The following NTM variants were observed in gnomAD, a reference collection of about 807,000 sequenced individuals.
NTM encodes the protein neurotrimin.
NTM carries 13 observed loss-of-function variants against 42.1 expected under a neutral mutation model. The observed-to-expected ratio is 0.31, with a 90% CI of 0.20 to 0.49. NTM has a LOEUF of 0.49. NTM is among the 20% of genes least tolerant of loss of function. NTM has a pLI of 0.99. For synonymous variants in NTM, 187 were observed against 179.2 expected (o/e 1.04, Z -0.35); for missense variants, 373 against 452.8 (o/e 0.82, Z 1.60).
rs1364118706 is a variant in NTM, at chr11:131,982,997, G to A, written c.167+71349G>A. ...TTCATTAGCTTGCAGGGCATGCCCA[G>A]ATTCAGTTTCTTCACACACTACTGG... is the stretch of plus-strand genomic sequence containing the variant. On this transcript the variant is annotated intron_variant, in intron 2 of 8. Transcript: ENST00000683400. Among the ~76,000 whole-genome samples, 6 of 151,962 alleles carry A rather than the reference G, an allele frequency of 3.9e-5. No homozygotes were observed. In the East Asian group the frequency reaches 1.2e-3, roughly 29 times the overall value.
At position 132,071,113 on chromosome 11, in the gene NTM, G is replaced by A. The variant is rs536680400; in HGVS notation, c.168-75169G>A. ...CAGCCAGGTTAGCACGTCACACTGA[G>A]AATCACAGGTTAGTTAACACGTCAC... On this transcript the variant is annotated intron_variant, in intron 2 of 8. Coordinates refer to ENST00000683400, the MANE Select transcript of NTM (RefSeq NM_001352005.2). 1.7e-5 allele frequency among the ~76,000 whole-genome samples: 2 copies of A among 117,514 alleles called. 1 individual carries two copies. Among genetic ancestry groups the A allele is most frequent in the South Asian group, 6.3e-4 (2 of 3,198 alleles). 77.1% of individuals were successfully genotyped at this position (117,514 alleles called of 152,430 possible). A position where few individuals can be genotyped will look rare whatever the true frequency, so the allele number is the denominator to read the frequency against.
chr11:131,470,892 C>G (rs1038053417), intron 1 of NTM, among the ~76,000 whole-genome samples: 3 of 152,186 alleles, frequency 2.0e-5, no homozygotes, highest in Admixed American at 2.0e-4. Flanking sequence ...CATTTCCACG[C>G]TCCAAGCCTT....
intron 1 of NTM, among the ~76,000 whole-genome samples, chr11:131,615,790 C>T (rs1478539607): frequency 6.6e-6 from 1 of 152,174 alleles, no homozygotes; most frequent in East Asian, 1.9e-4. Context: ...TTTGTGAACC[C>T]TCTGGCCCCT....
At chr11:131,700,938 TG>T (rs1348051770) in intron 1 of NTM, among the ~76,000 whole-genome samples, 1 of 152,246 alleles carries the variant, frequency 6.6e-6, no homozygotes, top group Non-Finnish European at 1.5e-5. Flanking sequence ...ATGTGAATCC[TG>T]GTTCTGCCAT....
At chr11:131,373,616 A>G (rs905850737) in intron 1 of NTM, among the ~76,000 whole-genome samples, 5 of 152,076 alleles carry the variant, frequency 3.3e-5, no homozygotes, top group African/African-American at 1.2e-4. Context: ...CAGACGCTAC[A>G]GAACTGGATC....
chr11:131,676,405 T>C (rs2071393993), intron 1 of NTM, among the ~76,000 whole-genome samples: 2 of 152,126 alleles, frequency 1.3e-5, no homozygotes, highest in Non-Finnish European at 1.5e-5. Context: ...AGGGCTGCGT[T>C]GGAGTTTTTC....
intron 1 of NTM, among the ~76,000 whole-genome samples, chr11:131,799,265 C>T (rs1053069808): frequency 1.3e-5 from 2 of 152,132 alleles, no homozygotes; most frequent in African/African-American, 4.8e-5. Context: ...GTACTTGAAA[C>T]TATCGCATAC....
chr11:132,319,808 G>C (rs1006660837), intron 7 of NTM, among the ~76,000 whole-genome samples: 5 of 152,242 alleles, frequency 3.3e-5, no homozygotes, highest in Non-Finnish European at 7.3e-5. Context: ...CTGAGAACAG[G>C]CAGACTGCCT....
chr11:131,783,113 T>C (rs996300855), intron 1 of NTM, among the ~76,000 whole-genome samples: 2 of 152,138 alleles, frequency 1.3e-5, no homozygotes, highest in Admixed American at 6.5e-5. Flanking sequence ...CAAATATTAA[T>C]AGGTGAATTT....
intron 2 of NTM, among the ~76,000 whole-genome samples, chr11:131,967,824 G>T (rs900364742): frequency 2.6e-5 from 4 of 152,132 alleles, no homozygotes; most frequent in Admixed American, 6.5e-5. Context: ...TAGAAATCTG[G>T]TTTCTATCTG....
intron 2 of NTM, among the ~76,000 whole-genome samples, chr11:132,015,965 G>A (rs2073326457): frequency 6.6e-6 from 1 of 152,040 alleles, no homozygotes. Context: ...TTGAATAGGA[G>A]TAGTGAAAGT....
At chr11:131,488,385 G>A (rs1954415651) in intron 1 of NTM, among the ~76,000 whole-genome samples, 1 of 152,106 alleles carries the variant, frequency 6.6e-6, no homozygotes, top group Non-Finnish European at 1.5e-5. Flanking sequence ...CCTGATCTCT[G>A]CACATGATCT....
rs1308435179 is a variant in NTM at position 131,419,942 on chromosome 11, A to T, written c.82+49054A>T. ...CTGTGCCCACGAATGCTGTTGGAGG[A>T]TTCTGCTAGGCAGCCATCATCAACC... On this transcript the variant is annotated intron_variant, in intron 1 of 8. Transcript: ENST00000683400. Among the ~76,000 whole-genome samples the T allele has an allele frequency of 3.3e-5, 5 of 152,114 alleles. No individual in the cohort carries two copies. The South Asian group carries it at 8.3e-4, about 25-fold the overall frequency.
intron 1 of NTM, among the ~76,000 whole-genome samples, chr11:131,642,067 CTT>C (rs1051230036): frequency 6.6e-6 from 1 of 152,160 alleles, no homozygotes; most frequent in African/African-American, 2.4e-5. Context: ...TAAAATGACT[CTT>C]TAGTGAAGAG....
chr11:131,684,357 C>T (rs1321537446), intron 1 of NTM, among the ~76,000 whole-genome samples: 1 of 152,204 alleles, frequency 6.6e-6, no homozygotes, highest in African/African-American at 2.4e-5. Flanking sequence ...CACACCCCCT[C>T]CCCACCTGGA....
At chr11:131,632,963 G>A (rs1224068263) in intron 1 of NTM, among the ~76,000 whole-genome samples, 4 of 152,030 alleles carry the variant, frequency 2.6e-5, no homozygotes, top group South Asian at 2.1e-4. Context: ...GTGAGCCACC[G>A]CGCCACTCGG....
At chr11:132,314,360 C>T (rs1274219041) in intron 6 of NTM, 192 bp from the exon 7 acceptor site, 4 of 222,744 alleles carry the variant, frequency 1.8e-5, no homozygotes, top group Non-Finnish European at 3.0e-5. Context: ...GTGTGAAAAT[C>T]AAGAAACAAC....
At chr11:131,446,588 C>T (rs1348125566) in intron 1 of NTM, among the ~76,000 whole-genome samples, 1 of 152,200 alleles carries the variant, frequency 6.6e-6, no homozygotes, top group African/African-American at 2.4e-5. Flanking sequence ...CTTCCTCTGC[C>T]TCCCCTTTGA....
rs182477327 is a variant in NTM at position 131,582,582 on chromosome 11, C to T, written c.82+211694C>T. On this transcript the variant is annotated intron_variant, in intron 1 of 8. Coordinates refer to ENST00000683400, the MANE Select transcript of NTM (RefSeq NM_001352005.2). Reference sequence around the variant, plus strand: ...ATTTTTTTTAACTCTAGATGAGTCTCCATGTTCTTGCTTAAAAAAAAAAAA... The same window carrying T: ...ATTTTTTTTAACTCTAGATGAGTCTTCATGTTCTTGCTTAAAAAAAAAAAA... 3.3e-3 allele frequency among the ~76,000 whole-genome samples: 456 copies of T among 137,132 alleles called. 2 individuals are homozygous for T. Among genetic ancestry groups the T allele is most frequent in the Admixed American group, 7.0e-3 (92 of 13,094 alleles). The allele number at this position is 137,132 out of a possible 152,430, so 90.0% of individuals were successfully genotyped here.
Sources: gnomAD v4.1 joint callset for allele counts (sites outside exome capture counted in the v4.1 genomes callset) on GRCh38, gnomAD v4.1.1 for gene constraint, MANE v1.5 for transcripts, NCBI Gene and HGNC (gene_info 2026-07-23, HGNC 2026-07-21) for gene names.